DAPK1: variants seen among roughly 807,000 people sequenced by gnomAD.
The protein encoded by DAPK1 is death associated protein kinase 1.
Under a neutral mutation model 144.9 loss-of-function variants are expected in DAPK1, and 56 were observed. The ratio of observed to expected loss-of-function variants is 0.39; its 90% CI spans 0.31 to 0.48. The LOEUF (loss-of-function observed/expected upper bound fraction) is 0.48, where lower values mean the gene tolerates loss of function less well. Ranked by LOEUF, DAPK1 falls within the 20% of genes least tolerant of loss-of-function variation. The probability of loss-of-function intolerance (pLI) is 0.95; values close to 1 mark genes in which losing one functional copy is unlikely to be tolerated. For synonymous variants in DAPK1, 690 were observed against 749.0 expected (o/e 0.92, Z 1.29); for missense variants, 1,454 against 1,875.4 (o/e 0.78, Z 4.15).
At chr9:87,586,468 T>C (rs180958200) in intron 2 of DAPK1, among the ~76,000 whole-genome samples, 4 of 152,346 alleles carry the variant, frequency 2.6e-5, no homozygotes, top group East Asian at 3.9e-4. Context: ...GTTATATATA[T>C]GTATATACTT....
At chr9:87,531,352 C>T (rs1014131477) in intron 2 of DAPK1, among the ~76,000 whole-genome samples, 12 of 152,130 alleles carry the variant, frequency 7.9e-5, no homozygotes, top group African/African-American at 1.4e-4. Context: ...TGAAAATGGA[C>T]GTGATTTTTC....
intron 2 of DAPK1, among the ~76,000 whole-genome samples, chr9:87,540,984 T>C (rs898761752): frequency 1.3e-5 from 2 of 152,214 alleles, no homozygotes; most frequent in Non-Finnish European, 2.9e-5. Flanking sequence ...GGAATGAAAG[T>C]AATTTGAAAT....
At chr9:87,656,218 C>T (rs1443978331) in intron 17 of DAPK1, among the ~76,000 whole-genome samples, 1 of 152,118 alleles carries the variant, frequency 6.6e-6, no homozygotes, top group Non-Finnish European at 1.5e-5. Flanking sequence ...GTCGCTGACA[C>T]ACGGCGGGTG....
chr9:87,611,415 A>T lies in DAPK1; in HGVS notation c.284+6240A>T, dbSNP rs570767363. ...CTTCTCCTGCGTCAGCCTCCTGAGT[A>T]GGTGGGACTGGGGTGTAAGCCACTG... On this transcript the variant is annotated intron_variant, in intron 3 of 25. Transcript: ENST00000408954. 5.9e-5 allele frequency among the ~76,000 whole-genome samples: 9 copies of T among 152,244 alleles called. No homozygotes were observed. In the East Asian group the frequency reaches 1.4e-3, roughly 23 times the overall value.
At chr9:87,614,702 C>G (rs1290796101) in intron 3 of DAPK1, among the ~76,000 whole-genome samples, 1 of 152,186 alleles carries the variant, frequency 6.6e-6, no homozygotes, top group Non-Finnish European at 1.5e-5. Context: ...GCCTCTTGCC[C>G]AGTTCCCTCT....
intron 2 of DAPK1, among the ~76,000 whole-genome samples, chr9:87,545,116 C>T (rs886177625): frequency 1.3e-5 from 2 of 152,200 alleles, no homozygotes; most frequent in African/African-American, 4.8e-5. Context: ...CACTTTGCAG[C>T]AAGTACAAAA....
At chr9:87,509,646 C>T (rs1208193096) in intron 2 of DAPK1, among the ~76,000 whole-genome samples, 2 of 152,182 alleles carry the variant, frequency 1.3e-5, no homozygotes, top group Non-Finnish European at 2.9e-5. Context: ...AGGCGTGAGC[C>T]ACCGCGCCCG....
At chr9:87,513,150 G>A (rs1824914003) in intron 2 of DAPK1, among the ~76,000 whole-genome samples, 1 of 152,168 alleles carries the variant, frequency 6.6e-6, no homozygotes, top group Non-Finnish European at 1.5e-5. Flanking sequence ...ACCATAAATA[G>A]GCTGTTAAAC....
At chr9:87,658,695 C>A (rs1244506476) in intron 18 of DAPK1, among the ~76,000 whole-genome samples, 1 of 152,220 alleles carries the variant, frequency 6.6e-6, no homozygotes, top group African/African-American at 2.4e-5. Context: ...GCTGAGGAAA[C>A]CCTTTGATTC....
chr9:87,637,146 G>A (rs957152824), intron 3 of DAPK1, among the ~76,000 whole-genome samples: 2 of 151,924 alleles, frequency 1.3e-5, no homozygotes, highest in African/African-American at 4.8e-5. Flanking sequence ...CAGGCTGAAG[G>A]GCAGTGGCAC....
intron 15 of DAPK1, 122 bp from the exon 16 acceptor site, chr9:87,649,799 G>A (rs1280315485): frequency 2.4e-6 from 2 of 842,268 alleles, no homozygotes; most frequent in African/African-American, 3.3e-5. Flanking sequence ...ATACCTATGA[G>A]CTCTTTCCCT....
At chr9:87,563,857 T>C (rs1188753945) in intron 2 of DAPK1, among the ~76,000 whole-genome samples, 1 of 152,226 alleles carries the variant, frequency 6.6e-6, no homozygotes, top group African/African-American at 2.4e-5. Context: ...TGATTGCCAT[T>C]TGGGCCCCTA....
intron 2 of DAPK1, among the ~76,000 whole-genome samples, chr9:87,576,844 G>A (rs1262184970): frequency 6.6e-6 from 1 of 152,144 alleles, no homozygotes; most frequent in Non-Finnish European, 1.5e-5. Flanking sequence ...ACAGGCGTGA[G>A]CCACCGCGCC....
intron 2 of DAPK1, among the ~76,000 whole-genome samples, chr9:87,513,607 A>G (rs1824935137): frequency 6.6e-6 from 1 of 152,208 alleles, no homozygotes. Context: ...TTCACATTTG[A>G]AAACCGAGGT....
intron 2 of DAPK1, among the ~76,000 whole-genome samples, chr9:87,579,907 T>G (rs1827691918): frequency 6.6e-6 from 1 of 152,118 alleles, no homozygotes; most frequent in Non-Finnish European, 1.5e-5. Context: ...AGTAACCACT[T>G]GTGGATCAAG....
chr9:87,570,768 T>A (rs1436460856), intron 2 of DAPK1, among the ~76,000 whole-genome samples: 1 of 141,626 alleles, frequency 7.1e-6, no homozygotes, highest in East Asian at 2.4e-4. Context: ...AATGCCTGAT[T>A]CCCCAGATTT....
chr9:87,673,206 C>G (rs1824240223), intron 19 of DAPK1, among the ~76,000 whole-genome samples: 1 of 152,130 alleles, frequency 6.6e-6, no homozygotes, highest in South Asian at 2.1e-4. Context: ...CTCTCAACCC[C>G]TAGGGTGCTA....
intron 18 of DAPK1, among the ~76,000 whole-genome samples, chr9:87,662,937 G>A (rs36215050): frequency 6.6e-6 from 1 of 152,066 alleles, no homozygotes; most frequent in Non-Finnish European, 1.5e-5. Flanking sequence ...TACTCCCCAG[G>A]TTTCAAGCTG....
chr9:87,521,551 C>T (rs1563972608), intron 2 of DAPK1, among the ~76,000 whole-genome samples: 1 of 152,226 alleles, frequency 6.6e-6, no homozygotes, highest in Non-Finnish European at 1.5e-5. Flanking sequence ...AGACCGTCTC[C>T]ACTGTCAGAA....
Sources: gnomAD v4.1 joint callset for allele counts (sites outside exome capture counted in the v4.1 genomes callset) on GRCh38, gnomAD v4.1.1 for gene constraint, MANE v1.5 for transcripts, NCBI Gene and HGNC (gene_info 2026-07-23, HGNC 2026-07-21) for gene names.